The following LRRC4C variants were observed in gnomAD, a reference collection of about 807,000 sequenced individuals.
LRRC4C encodes leucine-rich repeat-containing protein 4C.
Under a neutral mutation model 33.6 loss-of-function variants are expected in LRRC4C, and 5 were observed. That is an observed-to-expected ratio of 0.15 (90% CI 0.08 to 0.31). The LOEUF is 0.31. Ranked by LOEUF, LRRC4C falls within the 10% of genes least tolerant of loss-of-function variation. The pLI is 1.00. For missense variants in LRRC4C, 560 were observed against 796.7 expected, an observed-to-expected ratio of 0.70 and a Z score of 3.58; for synonymous variants, 329 against 302.0, an observed-to-expected ratio of 1.09 and a Z score of -0.93.
At chr11:41,392,493 A>G (rs1953639802) in intron 1 of LRRC4C, among the ~76,000 whole-genome samples, 1 of 151,554 alleles carries the variant, frequency 6.6e-6, no homozygotes, top group Non-Finnish European at 1.5e-5. Context: ...TACTTACCGA[A>G]TTTAGGATTT....
chr11:40,684,015 T>C (rs1944833874), intron 2 of LRRC4C, among the ~76,000 whole-genome samples: 2 of 152,220 alleles, frequency 1.3e-5, no homozygotes, highest in Admixed American at 1.3e-4. Flanking sequence ...AAAGCTATGC[T>C]GGAGTTATCC....
chr11:40,272,535 G>A (rs1308049483), intron 4 of LRRC4C, among the ~76,000 whole-genome samples: 10 of 151,958 alleles, frequency 6.6e-5, no homozygotes, highest in Non-Finnish European at 1.5e-4. Context: ...ATGAAGGAGA[G>A]GAGGGAGGGT....
chr11:41,045,663 G>T (rs934088288), intron 1 of LRRC4C, among the ~76,000 whole-genome samples: 3 of 152,090 alleles, frequency 2.0e-5, no homozygotes, highest in African/African-American at 7.2e-5. Flanking sequence ...GGGGCCCAAA[G>T]ATTCCCCATC....
chr11:40,971,018 G>T (rs2136987670), intron 1 of LRRC4C, among the ~76,000 whole-genome samples: 1 of 152,270 alleles, frequency 6.6e-6, no homozygotes, highest in South Asian at 2.1e-4. Context: ...CCTGAAACTG[G>T]GACTTGTATT....
intron 4 of LRRC4C, among the ~76,000 whole-genome samples, chr11:40,276,482 G>C (rs940332042): frequency 1.4e-4 from 21 of 152,076 alleles, no homozygotes; most frequent in African/African-American, 5.1e-4. Context: ...TTCAAATATG[G>C]AGCAGGCAAT....
chr11:40,406,863 G>T (rs1949982032), intron 3 of LRRC4C, among the ~76,000 whole-genome samples: 1 of 152,026 alleles, frequency 6.6e-6, no homozygotes, highest in Admixed American at 6.6e-5. Context: ...ATGAAATACT[G>T]TAATTGGCCA....
chr11:41,083,806 A>G (rs1388407072), intron 1 of LRRC4C, among the ~76,000 whole-genome samples: 1 of 152,220 alleles, frequency 6.6e-6, no homozygotes, highest in Non-Finnish European at 1.5e-5. Context: ...GAAATATGGG[A>G]TATCCAACTT....
At chr11:40,648,771 C>G (rs2861929) in intron 2 of LRRC4C, among the ~76,000 whole-genome samples, 1 of 151,946 alleles carries the variant, frequency 6.6e-6, no homozygotes, top group South Asian at 2.1e-4. Context: ...AAATTGTAAT[C>G]GGGAGAACCC....
chr11:41,044,293 G>T (rs904057305), intron 1 of LRRC4C, among the ~76,000 whole-genome samples: 2 of 152,132 alleles, frequency 1.3e-5, no homozygotes, highest in Non-Finnish European at 2.9e-5. Flanking sequence ...ATAAAAAAAT[G>T]AATCTTCATT....
chr11:41,233,500 G>T (rs1947889944), intron 1 of LRRC4C, among the ~76,000 whole-genome samples: 1 of 151,966 alleles, frequency 6.6e-6, no homozygotes, highest in Non-Finnish European at 1.5e-5. Flanking sequence ...TTTGCATTCA[G>T]TTTGAGTTTG....
At chr11:41,169,752 A>G (rs1944887777) in intron 1 of LRRC4C, among the ~76,000 whole-genome samples, 1 of 152,166 alleles carries the variant, frequency 6.6e-6, no homozygotes, top group South Asian at 2.1e-4. Flanking sequence ...ACTGAAAAGT[A>G]GCAAGCTTTA....
chr11:41,455,920 C>T (rs2138685984), intron 1 of LRRC4C, among the ~76,000 whole-genome samples: 1 of 152,228 alleles, frequency 6.6e-6, no homozygotes, highest in South Asian at 2.1e-4. Flanking sequence ...CCCCAGCCTC[C>T]ACCACTCCCC....
At chr11:41,288,800 G>A (rs1949909232) in intron 1 of LRRC4C, among the ~76,000 whole-genome samples, 1 of 152,130 alleles carries the variant, frequency 6.6e-6, no homozygotes, top group South Asian at 2.1e-4. Context: ...TTACATCATT[G>A]TTGGCAGAAT....
intron 1 of LRRC4C, among the ~76,000 whole-genome samples, chr11:41,442,047 A>C (rs1467612610): frequency 6.6e-6 from 1 of 152,206 alleles, no homozygotes; most frequent in East Asian, 1.9e-4. Flanking sequence ...CATTATACAA[A>C]ACCTTCCAGG....
intron 2 of LRRC4C, among the ~76,000 whole-genome samples, chr11:40,891,237 CAAAT>C (rs1314966521): frequency 2.0e-5 from 3 of 151,942 alleles, no homozygotes; most frequent in Non-Finnish European, 2.9e-5. Context: ...AACTCTGTCT[CAAAT>C]AAACGAACAA....
chr11:40,186,134 C>T (rs1327866192), intron 5 of LRRC4C, among the ~76,000 whole-genome samples: 2 of 152,184 alleles, frequency 1.3e-5, no homozygotes, highest in Non-Finnish European at 2.9e-5. Context: ...GTTCTACCTA[C>T]AGGAGATGCT....
intron 2 of LRRC4C, among the ~76,000 whole-genome samples, chr11:40,655,240 A>T (rs1379123699): frequency 1.3e-5 from 2 of 152,150 alleles, no homozygotes; most frequent in Non-Finnish European, 2.9e-5. Context: ...TATTAATCTC[A>T]TACTTAAGTA....
At chr11:41,404,190 G>T (rs892674947) in intron 1 of LRRC4C, among the ~76,000 whole-genome samples, 6 of 151,952 alleles carry the variant, frequency 3.9e-5, no homozygotes, top group Admixed American at 2.0e-4. Flanking sequence ...TTAATGCCAA[G>T]ATTTTTTCTT....
chr11:41,071,872 G>A (rs573628085), intron 1 of LRRC4C, among the ~76,000 whole-genome samples: 3 of 152,280 alleles, frequency 2.0e-5, no homozygotes, highest in African/African-American at 7.2e-5. Flanking sequence ...TGTGGAAGAA[G>A]TTGATTCCAA....
Sources: allele counts gnomAD v4.1 joint callset (sites outside exome capture counted in the v4.1 genomes callset), GRCh38; gene constraint gnomAD v4.1.1; transcripts MANE v1.5; gene names NCBI Gene and HGNC (gene_info 2026-07-23, HGNC 2026-07-21).